ADGRF1: variants seen among roughly 807,000 people sequenced by gnomAD.
The protein encoded by ADGRF1 is G protein-coupled receptor 110.
In ADGRF1, 85 loss-of-function variants were observed where a neutral mutation model predicts 87.2. The observed-to-expected ratio is 0.97, with a 90% CI of 0.82 to 1.17. ADGRF1 has a LOEUF of 1.17. Ranked by LOEUF, ADGRF1 falls within the 50% of genes most tolerant of loss-of-function variation. The probability of loss-of-function intolerance (pLI) is 0.00; values close to 1 mark genes in which losing one functional copy is unlikely to be tolerated. For missense variants in ADGRF1, 1,169 were observed against 1,077.2 expected (o/e 1.09, Z -1.19); for synonymous variants, 430 against 408.8 (o/e 1.05, Z -0.63).
In ADGRF1 at chr6:47,009,572, G is replaced by A; in HGVS notation, c.1863C>T (p.His621=). 1 of 1,614,174 alleles carries A rather than the reference G, an allele frequency of 6.2e-7. No individual in the cohort carries two copies. Among genetic ancestry groups the A allele is most frequent in the Non-Finnish European group, 8.5e-7 (1 of 1,180,024 alleles). Residue 621 remains histidine (H), a synonymous_variant, in exon 11 of 15, where the codon CAC becomes CAT. Transcript: ENST00000371253. ...WKQIKKSQTS[H]TRRICMVNIA... is the part of the protein sequence containing the mutation. ...TGTTCACCATGCAAATACGACGTGT[G>A]TGAGAGGTTTGGCTTTTTTTAATCT... is the stretch of plus-strand genomic sequence containing the variant.
intron 8 of ADGRF1, 114 bp downstream of exon 8, chr6:47,016,503 A>C (rs1441280498): frequency 2.5e-6 from 3 of 1,187,130 alleles, no homozygotes; most frequent in Non-Finnish European, 3.4e-6. Context: ...GCTGAAAGGC[A>C]GTTAGAGAAC....
chr6:47,035,318 G>A (rs1289886756), intron 1 of ADGRF1, among the ~76,000 whole-genome samples: 1 of 152,020 alleles, frequency 6.6e-6, no homozygotes, highest in East Asian at 1.9e-4. Context: ...TCCTAGGTAG[G>A]GCTTATTTCT....
intron 12 of ADGRF1, among the ~76,000 whole-genome samples, 175 bp from the exon 13 acceptor site, chr6:47,006,051 A>G (rs1473575893): frequency 6.6e-6 from 1 of 152,188 alleles, no homozygotes; most frequent in Non-Finnish European, 1.5e-5. Flanking sequence ...TTACCTATAA[A>G]CAAAACTAGA....
chr6:47,018,310 T>C lies in ADGRF1; in HGVS notation c.612-1542A>G, dbSNP rs1408815688. ...AACTCATGAGATAAGCAGTGTATCA[T>C]TCCCATTTTATAGATAAGAGAACTG... is the stretch of plus-strand genomic sequence containing the variant. On this transcript the variant is annotated intron_variant, in intron 7 of 14. Coordinates refer to ENST00000371253, the MANE Select transcript of ADGRF1 (RefSeq NM_153840.4). 17 of 1,032,792 alleles carry C rather than the reference T, an allele frequency of 1.6e-5. No individual in the cohort carries two copies. The Admixed American group carries it at 2.9e-4, about 18-fold the overall frequency. The allele number at this position is 1,032,792 out of a possible 1,614,324, so 64.0% of individuals were successfully genotyped here.
chr6:47,014,982 G>GT, intron 8 of ADGRF1, 138 bp from the exon 9 acceptor site: 1 of 1,245,144 alleles, frequency 8.0e-7, no homozygotes, highest in Non-Finnish European at 1.1e-6. Context: ...AGTAAGAGAA[G>GT]TTTGTCTTTG....
chr6:47,014,840 C>A lies in ADGRF1; in HGVS notation c.768G>T (p.Gln256His). ...CAAATCCAAAGACAATGTCATTACACTGGGCTGGAAACAAAAGAAAACAAC... is the reference window on the plus strand; with the variant it reads ...CAAATCCAAAGACAATGTCATTACAATGGGCTGGAAACAAAAGAAAACAAC... Reference protein sequence around the residue: ...DGSFRVFGKAQCNDIVFGFGS... With the variant: ...DGSFRVFGKAHCNDIVFGFGS... Residue 256 changes from glutamine to histidine, a missense_variant, in exon 9 of 15, where the codon CAG (glutamine) becomes CAT (histidine). Physicochemically the swap from Gln to His is conservative, Grantham distance 24 (BLOSUM62 0). Coordinates refer to ENST00000371253, the MANE Select transcript of ADGRF1 (RefSeq NM_153840.4). The A allele has an allele frequency of 1.9e-6, 3 of 1,602,654 alleles. No homozygotes were observed. Among genetic ancestry groups the A allele is most frequent in the Non-Finnish European group, 2.6e-6 (3 of 1,173,056 alleles).
chr6:47,039,592 G>A (rs1780679407), intron 1 of ADGRF1, among the ~76,000 whole-genome samples: 2 of 152,212 alleles, frequency 1.3e-5, no homozygotes, highest in Admixed American at 6.5e-5. Flanking sequence ...GAATGGAAGA[G>A]TGTATGTTTC....
At chr6:47,031,361 CTCT>C (rs1780425369) in intron 1 of ADGRF1, among the ~76,000 whole-genome samples, 5 of 146,212 alleles carry the variant, frequency 3.4e-5, no homozygotes, top group African/African-American at 1.1e-4. Flanking sequence ...GTCTCTCTCT[CTCT>C]CTCTCTCTCT....
At chr6:47,017,817 T>C (rs1375614680) in intron 7 of ADGRF1, 2 of 152,308 alleles carry the variant, frequency 1.3e-5, no homozygotes, top group Non-Finnish European at 2.9e-5. Flanking sequence ...GGAAAGAGGC[T>C]GGAAAGCAAC....
chr6:47,022,412 G>T (rs980597), intron 5 of ADGRF1, among the ~76,000 whole-genome samples: 1 of 152,164 alleles, frequency 6.6e-6, no homozygotes, highest in Admixed American at 6.5e-5. Context: ...AACGATGACC[G>T]TAACAGCAAC....
At chr6:47,008,355 G>A (rs1779589526) in intron 11 of ADGRF1, among the ~76,000 whole-genome samples, 1 of 152,184 alleles carries the variant, frequency 6.6e-6, no homozygotes, top group Non-Finnish European at 1.5e-5. Flanking sequence ...CTTTGTAGCA[G>A]AGATTAGCAA....
At chr6:47,021,330 T>A (rs933506223) in intron 6 of ADGRF1, among the ~76,000 whole-genome samples, 3 of 152,016 alleles carry the variant, frequency 2.0e-5, no homozygotes, top group Non-Finnish European at 4.4e-5. Flanking sequence ...ATAGAACAAA[T>A]CCCAAATGCT....
chr6:47,040,052 G>A (rs1256321498), intron 1 of ADGRF1, among the ~76,000 whole-genome samples: 2 of 152,114 alleles, frequency 1.3e-5, no homozygotes, highest in Non-Finnish European at 2.9e-5. Flanking sequence ...TTGAAATCTT[G>A]CGAGCACTAC....
At chr6:47,014,424 T>C in intron 9 of ADGRF1, 1 of 1,205,726 alleles carries the variant, frequency 8.3e-7, no homozygotes, top group Non-Finnish European at 1.0e-6. Flanking sequence ...TCAGCAATGA[T>C]ACACTCCTCC....
chr6:47,016,701 T>C lies in ADGRF1; in HGVS notation c.679A>G (p.Ile227Val), dbSNP rs747720566. ...SSSASELLSA[I>V]EHVAEKAKTA... ...TTAGCCTTCTCGGCAACATGTTCAA[T>C]GGCTGACAGCAGTTCAGATGCACTG... is the stretch of plus-strand genomic sequence containing the variant. The change falls in exon 8 of 15, where the codon ATT becomes GTT. Residue 227 changes from isoleucine to valine, a missense_variant. Coordinates refer to ENST00000371253, the MANE Select transcript of ADGRF1 (RefSeq NM_153840.4). The C allele has an allele frequency of 6.2e-7, 1 of 1,612,896 alleles. No homozygotes were observed. The highest frequency in any genetic ancestry group is 1.1e-5 in the South Asian group (1 of 91,000).
At chr6:47,014,441 C>T in intron 9 of ADGRF1, 2 of 1,243,272 alleles carry the variant, frequency 1.6e-6, no homozygotes, top group South Asian at 4.4e-5. Flanking sequence ...CTCCACAACA[C>T]CTCTGCCTGA....
In ADGRF1 at chr6:47,014,852, C is replaced by T. The variant is rs1424788092; in HGVS notation, c.764-8G>A. On this transcript the variant is annotated splice_polypyrimidine_tract_variant and splice_region_variant and intron_variant, in intron 8 of 14. Transcript: ENST00000371253. Reference sequence around the variant, plus strand: ...CAATGTCATTACACTGGGCTGGAAACAAAAGAAAACAACAAAGAAAAATGA... The same window carrying T: ...CAATGTCATTACACTGGGCTGGAAATAAAAGAAAACAACAAAGAAAAATGA... 1 of 1,584,558 alleles carries T rather than the reference C, an allele frequency of 6.3e-7. No homozygotes were observed.
At position 47,005,741 on chromosome 6, in the gene ADGRF1, C is replaced by T. The variant is rs1032879425; in HGVS notation, c.2592+76G>A. 3.2e-4 allele frequency: 335 copies of T among 1,050,818 alleles called. 2 individuals are homozygous for T. In the Admixed American group the frequency reaches 4.1e-3, roughly 13 times the overall value. The allele number at this position is 1,050,818 out of a possible 1,614,324, so 65.1% of individuals were successfully genotyped here. A position where few individuals can be genotyped will look rare whatever the true frequency, so the allele number is the denominator to read the frequency against. On this transcript the variant is annotated intron_variant, in intron 13 of 14. Transcript: ENST00000371253. The stretch of plus-strand genomic sequence containing the variant: ...AGGGGTTTACACAGAAGTTGGCTTG[C>T]AGCAAGACTGTATAAAGAGAAGAAT...
chr6:47,039,913 G>A (rs1780689369), intron 1 of ADGRF1, among the ~76,000 whole-genome samples: 1 of 152,124 alleles, frequency 6.6e-6, no homozygotes, highest in Non-Finnish European at 1.5e-5. Flanking sequence ...GGTGAGCCGG[G>A]ATTGTGCCGC....
Sources: gnomAD v4.1 joint callset for allele counts (sites outside exome capture counted in the v4.1 genomes callset) on GRCh38, gnomAD v4.1.1 for gene constraint, MANE v1.5 for transcripts, NCBI Gene and HGNC (gene_info 2026-07-23, HGNC 2026-07-21) for gene names.